MYO5B: variants seen among roughly 807,000 people sequenced by gnomAD.
MYO5B encodes myosin VB.
A neutral mutation model predicts 229.3 loss-of-function variants in MYO5B; 143 were observed. The ratio of observed to expected loss-of-function variants is 0.62; its 90% CI spans 0.54 to 0.72. The LOEUF is 0.72. MYO5B is among the 30% of genes least tolerant of loss of function. MYO5B has a pLI of 0.00. For synonymous variants in MYO5B, 918 were observed against 885.2 expected, an observed-to-expected ratio of 1.04 and a Z score of -0.66; for missense variants, 2,321 against 2,331.0, an observed-to-expected ratio of 1.00 and a Z score of 0.09.
chr18:50,075,357 A>G (rs1211284370), intron 1 of MYO5B, among the ~76,000 whole-genome samples: 1 of 152,188 alleles, frequency 6.6e-6, no homozygotes, highest in Non-Finnish European at 1.5e-5. Flanking sequence ...AGTTTTAAAC[A>G]CCTACATATA....
chr18:49,913,488 C>T (rs1170318773), intron 17 of MYO5B, among the ~76,000 whole-genome samples: 16 of 152,166 alleles, frequency 1.1e-4, no homozygotes, highest in Non-Finnish European at 1.2e-4. Flanking sequence ...AGCCTATCCC[C>T]ACTTTCTCTG....
chr18:50,131,290 T>A (rs1236509855), intron 1 of MYO5B, among the ~76,000 whole-genome samples: 5 of 152,238 alleles, frequency 3.3e-5, no homozygotes, highest in Admixed American at 2.6e-4. Flanking sequence ...CACTGGCCTT[T>A]TGTTGCCAGA....
chr18:49,884,846 C>G (rs2024625921), intron 22 of MYO5B, among the ~76,000 whole-genome samples: 1 of 152,160 alleles, frequency 6.6e-6, no homozygotes, highest in Admixed American at 6.5e-5. Flanking sequence ...ATAGACATTT[C>G]TCCAAAGAAG....
chr18:49,861,934 G>C (rs186466115), intron 29 of MYO5B, among the ~76,000 whole-genome samples: 1 of 151,540 alleles, frequency 6.6e-6, no homozygotes, highest in East Asian at 1.9e-4. Flanking sequence ...ACAAATACTT[G>C]ATCAACATTC....
intron 21 of MYO5B, among the ~76,000 whole-genome samples, chr18:49,898,561 T>C (rs759209944): frequency 6.6e-6 from 1 of 152,204 alleles, no homozygotes; most frequent in Non-Finnish European, 1.5e-5. Flanking sequence ...AGAAATGGTC[T>C]CAAGAACCAG....
intron 16 of MYO5B, 33 bp downstream of exon 16, chr18:49,936,219 G>C: frequency 6.5e-7 from 1 of 1,532,044 alleles, no homozygotes; most frequent in Admixed American, 1.9e-5. Context: ...TCTAAGGCTG[G>C]GCTGGACAGG....
intron 1 of MYO5B, among the ~76,000 whole-genome samples, chr18:50,104,758 GA>G (rs2031724269): frequency 1.3e-5 from 2 of 152,174 alleles, no homozygotes; most frequent in African/African-American, 2.4e-5. Flanking sequence ...GGTCCTAGGG[GA>G]AAATTCTTTT....
At chr18:50,122,635 GAGAGAGAGA>G (rs2032084351) in intron 1 of MYO5B, among the ~76,000 whole-genome samples, 1 of 6,104 alleles carries the variant, frequency 1.6e-4, no homozygotes, top group African/African-American at 8.8e-4. Context: ...AAGGGGGGGG[GAGAGAGAGA>G]GAGAGAGAGA....
At chr18:50,177,982 T>C (rs767191646) in intron 1 of MYO5B, among the ~76,000 whole-genome samples, 16 of 152,218 alleles carry the variant, frequency 1.1e-4, no homozygotes, top group Admixed American at 6.5e-5. Context: ...CTTGATACAC[T>C]ACTCCTGAAT....
intron 22 of MYO5B, among the ~76,000 whole-genome samples, chr18:49,889,387 C>T (rs1031960728): frequency 6.6e-6 from 1 of 152,176 alleles, no homozygotes; most frequent in African/African-American, 2.4e-5. Flanking sequence ...AACAACCCAA[C>T]AGGAGAAACC....
intron 1 of MYO5B, among the ~76,000 whole-genome samples, chr18:50,078,280 G>A (rs1049675524): frequency 3.3e-5 from 5 of 152,164 alleles, no homozygotes; most frequent in African/African-American, 1.2e-4. Flanking sequence ...AGTAGATTAG[G>A]TGCCTTTCGA....
intron 4 of MYO5B, among the ~76,000 whole-genome samples, chr18:50,032,257 T>C (rs1479491120): frequency 6.6e-6 from 1 of 152,200 alleles, no homozygotes; most frequent in Non-Finnish European, 1.5e-5. Context: ...TCTATGATTT[T>C]TAGTACATTT....
At chr18:50,076,303 G>A (rs1246668653) in intron 1 of MYO5B, among the ~76,000 whole-genome samples, 1 of 152,178 alleles carries the variant, frequency 6.6e-6, no homozygotes, top group Non-Finnish European at 1.5e-5. Flanking sequence ...ACAAGGTTGA[G>A]GAGGTGGCAG....
intron 5 of MYO5B, among the ~76,000 whole-genome samples, chr18:49,999,354 A>G (rs2026021993): frequency 6.6e-6 from 1 of 152,254 alleles, no homozygotes; most frequent in Non-Finnish European, 1.5e-5. Context: ...ACATGGTCTA[A>G]GGAGGCCAAG....
intron 37 of MYO5B, among the ~76,000 whole-genome samples, 162 bp downstream of exon 37, chr18:49,837,355 C>T (rs1598820758): frequency 6.6e-6 from 1 of 152,178 alleles, no homozygotes; most frequent in East Asian, 1.9e-4. Flanking sequence ...ATTTCACCAA[C>T]AGGTAAAAAG....
chr18:50,138,892 T>TG (rs1187987364), intron 1 of MYO5B, among the ~76,000 whole-genome samples: 1 of 152,192 alleles, frequency 6.6e-6, no homozygotes, highest in East Asian at 1.9e-4. Context: ...CCCAGGGTGT[T>TG]GGGGCCTGGT....
At chr18:49,906,863 T>C (rs1478843169) in intron 18 of MYO5B, among the ~76,000 whole-genome samples, 2 of 151,636 alleles carry the variant, frequency 1.3e-5, no homozygotes, top group Non-Finnish European at 2.9e-5. Flanking sequence ...ACTGACATCA[T>C]GGTGAGGGCA....
intron 1 of MYO5B, among the ~76,000 whole-genome samples, chr18:50,125,156 T>C (rs2032138128): frequency 1.3e-5 from 2 of 152,128 alleles, no homozygotes; most frequent in Admixed American, 6.5e-5. Flanking sequence ...ACAGCTTCTC[T>C]TTCTCAAGGG....
At chr18:50,061,755 T>G (rs908127102) in intron 1 of MYO5B, among the ~76,000 whole-genome samples, 2 of 152,176 alleles carry the variant, frequency 1.3e-5, no homozygotes. Context: ...GAATTAAAAC[T>G]CCTATCTCAG....
Sources: gnomAD v4.1 joint callset for allele counts (sites outside exome capture counted in the v4.1 genomes callset) on GRCh38, gnomAD v4.1.1 for gene constraint, MANE v1.5 for transcripts, NCBI Gene and HGNC (gene_info 2026-07-23, HGNC 2026-07-21) for gene names.